Variants in ARHGAP17 observed in about 807,000 individuals in gnomAD.
The protein encoded by ARHGAP17 is Rho GTPase activating protein 17, also known as rho GTPase-activating protein 17.
Under a neutral mutation model 99.5 loss-of-function variants are expected in ARHGAP17, and 57 were observed. The ratio of observed to expected loss-of-function variants is 0.57; its 90% CI spans 0.46 to 0.71. The LOEUF (loss-of-function observed/expected upper bound fraction) is 0.71, where lower values mean the gene tolerates loss of function less well. Ranked by LOEUF, ARHGAP17 falls within the 30% of genes least tolerant of loss-of-function variation. The pLI, the probability that ARHGAP17 is intolerant of heterozygous loss-of-function variation, is 0.00. For missense variants in ARHGAP17, 1,000 were observed against 1,122.4 expected, an observed-to-expected ratio of 0.89 and a Z score of 1.56; for synonymous variants, 417 against 429.6, an observed-to-expected ratio of 0.97 and a Z score of 0.36.
rs186206359 is a variant in ARHGAP17 at position 25,005,943 on chromosome 16, G to C, written c.53+9266C>G. 3.9e-5 allele frequency among the ~76,000 whole-genome samples: 6 copies of C among 152,284 alleles called. 1 individual carries two copies. The highest frequency in any genetic ancestry group is 3.9e-4 in the Admixed American group (6 of 15,290). On this transcript the variant is annotated intron_variant, in intron 1 of 19. Coordinates refer to ENST00000289968, the MANE Select transcript of ARHGAP17 (RefSeq NM_001006634.3). ...TCTTAGGAGACAACCTGGCAATACT[G>C]TCATGATATAAACATTAATTTCCTA...
chr16:24,980,633 T>A (rs906743598), intron 1 of ARHGAP17, among the ~76,000 whole-genome samples: 3 of 152,198 alleles, frequency 2.0e-5, no homozygotes, highest in Non-Finnish European at 1.5e-5. Flanking sequence ...GGGCCCCAGC[T>A]GACCATGAGG....
Position 24,952,375 on chromosome 16 carries a change from A to C in ARHGAP17, c.965-5T>G. Reference sequence around the variant, plus strand: ...GTAAATAGGATTTTAAAGCACCTGAAATCATTAACACTCTCTTTGAGTATG... The same window carrying C: ...GTAAATAGGATTTTAAAGCACCTGACATCATTAACACTCTCTTTGAGTATG... On this transcript the variant is annotated splice_polypyrimidine_tract_variant and splice_region_variant and intron_variant, in intron 11 of 19. Transcript: ENST00000289968. 6.2e-7 allele frequency: 1 copy of C among 1,608,836 alleles called. No individual in the cohort carries two copies. The highest frequency in any genetic ancestry group is 8.5e-7 in the Non-Finnish European group (1 of 1,175,740).
chr16:24,947,454 T>C (rs755371087), intron 14 of ARHGAP17, 28 bp downstream of exon 14: 2 of 1,581,004 alleles, frequency 1.3e-6, no homozygotes, highest in East Asian at 4.5e-5. Context: ...AAGAAGAAAT[T>C]CAAATGATAC....
rs2050969347 is a variant in ARHGAP17, at chr16:24,930,958, CT to C, written c.2340del (p.Gly782ValfsTer55). ...GGCTGTGCAGTTTCAGGGTTACCCCCTGCCAGGGTCTGAGGAGCTGGCAGAC... is the reference window on the plus strand; with the variant it reads ...GGCTGTGCAGTTTCAGGGTTACCCCCGCCAGGGTCTGAGGAGCTGGCAGAC... ...NPSLPAPQTLAGGNPETAQPH... is the reference protein window; with the variant it reads ...NPSLPAPQTLXGGNPETAQPH... On this transcript the variant is annotated frameshift_variant, in exon 19 of 20. Transcript: ENST00000289968. LOFTEE classifies it high-confidence loss of function. 2 of 1,613,720 alleles carry C rather than the reference CT, an allele frequency of 1.2e-6. No homozygotes were observed. The highest frequency in any genetic ancestry group is 1.7e-6 in the Non-Finnish European group (2 of 1,179,934).
At chr16:25,008,703 TAC>T (rs751409307) in intron 1 of ARHGAP17, among the ~76,000 whole-genome samples, 3 of 152,238 alleles carry the variant, frequency 2.0e-5, no homozygotes, top group Middle Eastern at 3.2e-3. Flanking sequence ...TCCACTCTGC[TAC>T]AAAGGCAATT....
intron 3 of ARHGAP17, 38 bp downstream of exon 3, chr16:24,977,177 C>A (rs374431479): frequency 1.3e-6 from 2 of 1,494,946 alleles, no homozygotes; most frequent in Admixed American, 1.9e-5. Flanking sequence ...CTCAGAGAGA[C>A]GCAGGAACTG....
chr16:25,001,995 T>G (rs2053372597), intron 1 of ARHGAP17, among the ~76,000 whole-genome samples: 1 of 151,580 alleles, frequency 6.6e-6, no homozygotes, highest in Admixed American at 6.6e-5. Flanking sequence ...GCAGGAGAAT[T>G]GCTTAAACCT....
chr16:25,005,166 T>C (rs919028724), intron 1 of ARHGAP17, among the ~76,000 whole-genome samples: 1 of 152,254 alleles, frequency 6.6e-6, no homozygotes, highest in East Asian at 1.9e-4. Context: ...TCCACCCGCC[T>C]TGGCCTCCCA....
chr16:24,960,624 T>G (rs2051962189), intron 7 of ARHGAP17, among the ~76,000 whole-genome samples: 1 of 151,812 alleles, frequency 6.6e-6, no homozygotes, highest in Non-Finnish European at 1.5e-5. Flanking sequence ...GAGACCATCC[T>G]GACTAACACA....
At position 25,015,321 on chromosome 16, in the gene ARHGAP17, G is replaced by A. The variant is rs1040662061; in HGVS notation, c.-60C>T. 23 of 1,253,442 alleles carry A rather than the reference G, an allele frequency of 1.8e-5. No homozygotes were observed. In the African/African-American group the frequency reaches 3.4e-4, roughly 19 times the overall value. The allele number at this position is 1,253,442 out of a possible 1,614,324, so 77.6% of individuals were successfully genotyped here. On this transcript the variant is annotated 5_prime_UTR_variant, in exon 1 of 20. Coordinates refer to ENST00000289968, the MANE Select transcript of ARHGAP17 (RefSeq NM_001006634.3). ...GCCGGGCAGGGCGGGGGACAGCCTG[G>A]CAGCTACTACATCGCTTCCCGGCCC...
At chr16:25,012,125 C>T (rs757046474) in intron 1 of ARHGAP17, among the ~76,000 whole-genome samples, 3 of 152,050 alleles carry the variant, frequency 2.0e-5, no homozygotes, top group Non-Finnish European at 4.4e-5. Flanking sequence ...AGTGTAGGCT[C>T]AACAAGTGTC....
At chr16:24,924,920 C>T (rs922872244) in intron 19 of ARHGAP17, among the ~76,000 whole-genome samples, 33 of 151,928 alleles carry the variant, frequency 2.2e-4, no homozygotes, top group African/African-American at 8.0e-4. Flanking sequence ...TCTAAAATAA[C>T]CTTTTTCTCC....
chr16:24,994,205 T>C (rs1485390282), intron 1 of ARHGAP17, among the ~76,000 whole-genome samples: 1 of 152,184 alleles, frequency 6.6e-6, no homozygotes, highest in East Asian at 1.9e-4. Context: ...AAATCTCCAC[T>C]TGCCCTTTTC....
chr16:25,015,056 G>A (rs2053747795), intron 1 of ARHGAP17, among the ~76,000 whole-genome samples, 153 bp downstream of exon 1: 1 of 151,310 alleles, frequency 6.6e-6, no homozygotes, highest in South Asian at 2.1e-4. Flanking sequence ...GCCTCAGCGC[G>A]GCGCAGCCCC....
chr16:24,939,973 C>T (rs1185933515), intron 16 of ARHGAP17: 3 of 268,318 alleles, frequency 1.1e-5, no homozygotes, highest in Middle Eastern at 1.3e-3. Flanking sequence ...CTTGGCACTC[C>T]AGTGGAGCAA....
intron 7 of ARHGAP17, among the ~76,000 whole-genome samples, chr16:24,963,746 C>A (rs2052085349): frequency 6.6e-6 from 1 of 152,208 alleles, no homozygotes; most frequent in South Asian, 2.1e-4. Context: ...TAATCCTTAT[C>A]TTCTCCAAGG....
rs372056675 is a variant in ARHGAP17, at chr16:24,954,746, G to A, written c.725-16C>T. 1.9e-6 allele frequency: 3 copies of A among 1,612,806 alleles called. No homozygotes were observed. Among genetic ancestry groups the A allele is most frequent in the African/African-American group, 2.7e-5 (2 of 74,896 alleles). ...GCCCACTTATCTAGAGCAGCAAATTGTTCAGTTAGACACCCAACAAACTCA... is the reference window on the plus strand; with the variant it reads ...GCCCACTTATCTAGAGCAGCAAATTATTCAGTTAGACACCCAACAAACTCA... On this transcript the variant is annotated splice_polypyrimidine_tract_variant and intron_variant, in intron 9 of 19. Transcript: ENST00000289968.
At chr16:24,995,536 T>C (rs1237942915) in intron 1 of ARHGAP17, among the ~76,000 whole-genome samples, 1 of 152,184 alleles carries the variant, frequency 6.6e-6, no homozygotes, top group Non-Finnish European at 1.5e-5. Context: ...CGGGATCTGC[T>C]GAAGATTGTG....
chr16:24,967,742 C>CGCACCA (rs1328337531), intron 6 of ARHGAP17, among the ~76,000 whole-genome samples: 3 of 145,430 alleles, frequency 2.1e-5, no homozygotes, highest in African/African-American at 5.2e-5. Context: ...AAGCTATGAT[C>CGCACCA]GCACCAGCCT....
Sources: gnomAD v4.1 joint callset for allele counts (sites outside exome capture counted in the v4.1 genomes callset) on GRCh38, gnomAD v4.1.1 for gene constraint, MANE v1.5 for transcripts, NCBI Gene and HGNC (gene_info 2026-07-23, HGNC 2026-07-21) for gene names.